CYYR1: variants seen among roughly 807,000 people sequenced by gnomAD.
CYYR1 encodes the protein cysteine and tyrosine-rich protein 1.
A neutral mutation model predicts 15.2 loss-of-function variants in CYYR1; 14 were observed. The observed-to-expected ratio is 0.92, with a 90% CI of 0.61 to 1.44. The LOEUF is 1.44. Among genes scored for constraint, CYYR1 ranks in the 40% most tolerant of loss-of-function variants. CYYR1 has a pLI of 0.00. For synonymous variants in CYYR1, 80 were observed against 77.4 expected, an observed-to-expected ratio of 1.03 and a Z score of -0.18; for missense variants, 228 against 209.5, an observed-to-expected ratio of 1.09 and a Z score of -0.54.
chr21:26,535,099 G>A (rs772123779), intron 2 of CYYR1, among the ~76,000 whole-genome samples: 1 of 152,082 alleles, frequency 6.6e-6, no homozygotes, highest in South Asian at 2.1e-4. Context: ...GGGGACTACT[G>A]TGGGGGTGTT....
intron 3 of CYYR1, 77 bp from the exon 4 acceptor site, chr21:26,468,711 G>C (rs2064998293): frequency 9.0e-7 from 1 of 1,110,892 alleles, no homozygotes; most frequent in South Asian, 1.5e-5. Flanking sequence ...CACTGGGCTA[G>C]ATACTTTGGG....
intron 2 of CYYR1, among the ~76,000 whole-genome samples, chr21:26,491,344 G>A (rs955815525): frequency 1.3e-5 from 2 of 152,168 alleles, no homozygotes; most frequent in South Asian, 4.1e-4. Context: ...TTTTTGTCAT[G>A]CTTTGAGTGG....
At chr21:26,545,079 C>T (rs1457653696) in intron 2 of CYYR1, among the ~76,000 whole-genome samples, 2 of 152,224 alleles carry the variant, frequency 1.3e-5, no homozygotes, top group South Asian at 2.1e-4. Flanking sequence ...TAAATGACAA[C>T]ATTTCTCTAC....
At chr21:26,486,756 T>C (rs2065253816) in intron 2 of CYYR1, among the ~76,000 whole-genome samples, 2 of 152,144 alleles carry the variant, frequency 1.3e-5, no homozygotes, top group Admixed American at 6.6e-5. Context: ...TCGCTTTTCA[T>C]GAGTAAAAAA....
At chr21:26,528,766 A>G (rs2123594210) in intron 2 of CYYR1, among the ~76,000 whole-genome samples, 1 of 152,338 alleles carries the variant, frequency 6.6e-6, no homozygotes, top group African/African-American at 2.4e-5. Flanking sequence ...TTATTTATAT[A>G]TTTAAAGAGG....
chr21:26,552,651 A>C (rs1979480257), intron 2 of CYYR1, among the ~76,000 whole-genome samples: 1 of 151,630 alleles, frequency 6.6e-6, no homozygotes, highest in Non-Finnish European at 1.5e-5. Flanking sequence ...GTAGTTCTTT[A>C]TTGTTCTTTT....
At chr21:26,489,733 T>C (rs1047082341) in intron 2 of CYYR1, among the ~76,000 whole-genome samples, 2 of 152,144 alleles carry the variant, frequency 1.3e-5, no homozygotes, top group South Asian at 4.1e-4. Context: ...TTCTAGAACA[T>C]TTTAATGCTA....
intron 1 of CYYR1, chr21:26,569,203 A>C (rs991570555): frequency 6.6e-6 from 1 of 152,116 alleles, no homozygotes; most frequent in African/African-American, 2.4e-5. Context: ...TTAATAGTGG[A>C]CTCAGTAAAG....
chr21:26,501,354 A>G (rs1232043569), intron 2 of CYYR1, among the ~76,000 whole-genome samples: 1 of 152,128 alleles, frequency 6.6e-6, no homozygotes, highest in Admixed American at 6.5e-5. Flanking sequence ...AACAAATAAA[A>G]TCAGCAAGAT....
At chr21:26,502,179 A>G (rs1325386957) in intron 2 of CYYR1, among the ~76,000 whole-genome samples, 4 of 152,236 alleles carry the variant, frequency 2.6e-5, no homozygotes, top group Non-Finnish European at 5.9e-5. Context: ...GTAGGAAGGC[A>G]AAGTACTAAA....
chr21:26,506,867 T>C (rs1411437140), intron 2 of CYYR1: 3 of 152,074 alleles, frequency 2.0e-5, no homozygotes, highest in African/African-American at 7.2e-5. Flanking sequence ...AAGCCCTTAG[T>C]GACCAGAAAC....
chr21:26,560,491 T>G (rs543149591), intron 2 of CYYR1, among the ~76,000 whole-genome samples: 5 of 152,202 alleles, frequency 3.3e-5, no homozygotes, highest in Non-Finnish European at 5.9e-5. Context: ...AGGCACTAGT[T>G]TGTCATATTT....
chr21:26,505,302 T>C lies in CYYR1; in HGVS notation c.177-24873A>G, dbSNP rs147607320. 7.0e-3 allele frequency among the ~76,000 whole-genome samples: 1,069 copies of C among 152,256 alleles called. 7 individuals carry two copies. Among genetic ancestry groups the C allele is most frequent in the Non-Finnish European group, 0.011 (748 of 68,020 alleles). Reference sequence around the variant, plus strand: ...CTCCAAAAATTGTTATCCCCAAGCATGTAAAAAGTAAAAAGCAATAAAAGC... The same window carrying C: ...CTCCAAAAATTGTTATCCCCAAGCACGTAAAAAGTAAAAAGCAATAAAAGC... On this transcript the variant is annotated intron_variant, in intron 2 of 3. Coordinates refer to ENST00000652641, the MANE Select transcript of CYYR1 (RefSeq NM_001320768.2).
In CYYR1 at chr21:26,570,683, A is replaced by C. The variant is rs538443466; in HGVS notation, c.73+2185T>G. Among the ~76,000 whole-genome samples the C allele has an allele frequency of 3.3e-5, 5 of 152,366 alleles. No homozygotes were observed. In the South Asian group the frequency reaches 1.0e-3, roughly 32 times the overall value. On this transcript the variant is annotated intron_variant, in intron 1 of 3. Coordinates refer to ENST00000652641, the MANE Select transcript of CYYR1 (RefSeq NM_001320768.2). ...AATTTAGATTATGAGCAGTGCATCT[A>C]CTTAGATTTTTGTCCCACAAAGCTG...
chr21:26,562,556 T>C (rs1980276050), intron 2 of CYYR1, among the ~76,000 whole-genome samples: 1 of 152,182 alleles, frequency 6.6e-6, no homozygotes, highest in South Asian at 2.1e-4. Context: ...CACTGAACAG[T>C]AGGGACTTTC....
In CYYR1 at chr21:26,478,082, G is replaced by C. The variant is rs1481394328; in HGVS notation, c.334+2190C>G. Reference sequence around the variant, plus strand: ...TACCAGGCCTGGTCTTACATGCTTGGAATAGAGTGTTGAACAAAATAGACC... The same window carrying C: ...TACCAGGCCTGGTCTTACATGCTTGCAATAGAGTGTTGAACAAAATAGACC... On this transcript the variant is annotated intron_variant, in intron 3 of 3. Coordinates refer to ENST00000652641, the MANE Select transcript of CYYR1 (RefSeq NM_001320768.2). 3 of 1,549,462 alleles carry C rather than the reference G, an allele frequency of 1.9e-6. No individual in the cohort carries two copies. In the East Asian group the frequency reaches 7.3e-5, roughly 38 times the overall value.
At position 26,572,964 on chromosome 21, in the gene CYYR1, G is replaced by T; in HGVS notation, c.-24C>A. ...ATCCAAGCCGGTGGCCTGAGGCTTGGAGCGAAGGGAGAGCCCGGAACCGGA... is the reference window on the plus strand; with the variant it reads ...ATCCAAGCCGGTGGCCTGAGGCTTGTAGCGAAGGGAGAGCCCGGAACCGGA... On this transcript the variant is annotated 5_prime_UTR_variant, in exon 1 of 4. Transcript: ENST00000652641. 1 of 1,613,456 alleles carries T rather than the reference G, an allele frequency of 6.2e-7. No individual in the cohort carries two copies. Among genetic ancestry groups the T allele is most frequent in the South Asian group, 1.1e-5 (1 of 90,978 alleles).
At chr21:26,512,846 T>A (rs1377473931) in intron 2 of CYYR1, among the ~76,000 whole-genome samples, 1 of 152,136 alleles carries the variant, frequency 6.6e-6, no homozygotes, top group Non-Finnish European at 1.5e-5. Flanking sequence ...CTAATGCATA[T>A]GAATGGGACC....
At chr21:26,496,052 C>G (rs1348683023) in intron 2 of CYYR1, among the ~76,000 whole-genome samples, 1 of 152,216 alleles carries the variant, frequency 6.6e-6, no homozygotes, top group East Asian at 1.9e-4. Flanking sequence ...GTCCTCAACT[C>G]TGGCTTCAAG....
Sources: gnomAD v4.1 joint callset for allele counts (sites outside exome capture counted in the v4.1 genomes callset) on GRCh38, gnomAD v4.1.1 for gene constraint, MANE v1.5 for transcripts, NCBI Gene and HGNC (gene_info 2026-07-23, HGNC 2026-07-21) for gene names.